TMEM181: variants seen among roughly 807,000 people sequenced by gnomAD.
TMEM181 encodes the protein G protein-coupled receptor 178.
Under a neutral mutation model 71.9 loss-of-function variants are expected in TMEM181, and 39 were observed. The ratio of observed to expected loss-of-function variants is 0.54; its 90% CI spans 0.42 to 0.71. The LOEUF (loss-of-function observed/expected upper bound fraction) is 0.71. Ranked by LOEUF, TMEM181 falls within the 30% of genes least tolerant of loss-of-function variation. TMEM181 has a pLI of 0.00. For synonymous variants in TMEM181, 245 were observed against 228.8 expected, an observed-to-expected ratio of 1.07 and a Z score of -0.64; for missense variants, 595 against 583.0, an observed-to-expected ratio of 1.02 and a Z score of -0.21.
chr6:158,583,205 C>T (rs1156311834), intron 3 of TMEM181, among the ~76,000 whole-genome samples: 1 of 152,148 alleles, frequency 6.6e-6, no homozygotes, highest in Admixed American at 6.5e-5. Flanking sequence ...TGCTCTCCAG[C>T]CTGGGTGACA....
chr6:158,634,875 C>CT lies in TMEM181; in HGVS notation c.*2990dup, dbSNP rs1786860520. 6.6e-6 allele frequency: 1 copy of CT among 152,028 alleles called. No individual in the cohort carries two copies. The highest frequency in any genetic ancestry group is 2.4e-5 in the African/African-American group (1 of 41,390). 9.4% of individuals were successfully genotyped at this position (152,028 alleles called of 1,614,324 possible). A position where few individuals can be genotyped will look rare whatever the true frequency, so the allele number is the denominator to read the frequency against. ...AATGTGGTAAATTATTTCCTGAATC[C>CT]TTTATCACAGGAAAAACACAGACCC... On this transcript the variant is annotated 3_prime_UTR_variant, in exon 17 of 17. Coordinates refer to ENST00000684151, the MANE Select transcript of TMEM181 (RefSeq NM_001376852.1).
At chr6:158,617,170 T>C (rs1785660926) in intron 10 of TMEM181, among the ~76,000 whole-genome samples, 1 of 152,226 alleles carries the variant, frequency 6.6e-6, no homozygotes, top group Non-Finnish European at 1.5e-5. Context: ...AGCCTGTTAT[T>C]GGTCTATTAA....
intron 10 of TMEM181, chr6:158,610,224 C>A: frequency 8.3e-6 from 2 of 239,756 alleles, no homozygotes; most frequent in South Asian, 1.4e-4. Flanking sequence ...ATGCCACAGT[C>A]GTGGGGTGCC....
chr6:158,572,305 T>C (rs1306858790), intron 1 of TMEM181: 2 of 347,360 alleles, frequency 5.8e-6, no homozygotes, highest in Non-Finnish European at 1.1e-5. Context: ...AGGGCCAGGC[T>C]GAGCATACTA....
chr6:158,597,343 T>G (rs1030617433), intron 6 of TMEM181, among the ~76,000 whole-genome samples: 2 of 152,296 alleles, frequency 1.3e-5, no homozygotes, highest in South Asian at 4.1e-4. Context: ...CCTTACAGTT[T>G]TGGAGGGCAG....
chr6:158,597,411 C>A (rs1209130887), intron 6 of TMEM181, among the ~76,000 whole-genome samples: 1 of 152,156 alleles, frequency 6.6e-6, no homozygotes, highest in Non-Finnish European at 1.5e-5. Context: ...TGTTCTCTGC[C>A]TTCCAGGATG....
At chr6:158,547,163 T>A (rs930980052) in intron 1 of TMEM181, among the ~76,000 whole-genome samples, 17 of 152,130 alleles carry the variant, frequency 1.1e-4, no homozygotes, top group African/African-American at 3.9e-4. Flanking sequence ...GTGCCTGTAG[T>A]CCCAGCTACT....
intron 10 of TMEM181, chr6:158,610,836 A>G (rs1003323881): frequency 1.4e-4 from 46 of 330,950 alleles, no homozygotes; most frequent in African/African-American, 8.5e-4. Context: ...ACTAGCTGAC[A>G]TACTCACACC....
chr6:158,632,941 T>C lies in TMEM181; in HGVS notation c.*1053T>C, dbSNP rs1022069847. On this transcript the variant is annotated 3_prime_UTR_variant, in exon 17 of 17. Transcript: ENST00000684151. ...AAAGTTGGCTGGGCATGCTGGGGCATGCCCATAGTCCCAGCTACTCAGGAG... is the reference window on the plus strand; with the variant it reads ...AAAGTTGGCTGGGCATGCTGGGGCACGCCCATAGTCCCAGCTACTCAGGAG... The C allele has an allele frequency of 2.6e-5, 4 of 152,156 alleles. No individual in the cohort carries two copies. The highest frequency in any genetic ancestry group is 5.9e-5 in the Non-Finnish European group (4 of 68,080). 9.4% of individuals were successfully genotyped at this position (152,156 alleles called of 1,614,324 possible). A position where few individuals can be genotyped will look rare whatever the true frequency, so the allele number is the denominator to read the frequency against.
intron 2 of TMEM181, among the ~76,000 whole-genome samples, chr6:158,576,943 C>T (rs1483020576): frequency 6.6e-6 from 1 of 151,584 alleles, no homozygotes; most frequent in Admixed American, 6.6e-5. Flanking sequence ...GCACCTGTAG[C>T]CCCAGCTACT....
upstream of TMEM181, among the ~76,000 whole-genome samples, chr6:158,555,092 A>G (rs937944353): frequency 2.6e-5 from 4 of 152,236 alleles, no homozygotes; most frequent in Admixed American, 2.6e-4. Context: ...GCCTTGAACT[A>G]GTAACAAATG....
chr6:158,561,670 A>G (rs1422250900), intron 1 of TMEM181, among the ~76,000 whole-genome samples: 1 of 152,234 alleles, frequency 6.6e-6, no homozygotes, highest in Non-Finnish European at 1.5e-5. Flanking sequence ...ACTAGACCAA[A>G]GAAAGCAGTT....
At chr6:158,573,326 G>A (rs1490632754) in intron 1 of TMEM181, 94 bp from the exon 2 acceptor site, 1 of 846,022 alleles carries the variant, frequency 1.2e-6, no homozygotes, top group Admixed American at 2.2e-5. Flanking sequence ...GAGGTGGGCA[G>A]TGTCGTGTGG....
chr6:158,598,625 GT>G (rs5881281), intron 6 of TMEM181, among the ~76,000 whole-genome samples: 53,048 of 145,080 alleles, frequency 0.37, 10,435 homozygotes, highest in East Asian at 0.75. Context: ...TGCGTTTCAT[GT>G]TTTTTTTTTT....
At chr6:158,565,712 G>A (rs1013753310) in intron 1 of TMEM181, among the ~76,000 whole-genome samples, 1 of 152,246 alleles carries the variant, frequency 6.6e-6, no homozygotes, top group East Asian at 1.9e-4. Flanking sequence ...GCTGGCCTCT[G>A]GGGGTGGGAG....
intron 6 of TMEM181, among the ~76,000 whole-genome samples, chr6:158,593,403 G>A (rs1387444333): frequency 2.6e-5 from 4 of 152,110 alleles, no homozygotes; most frequent in African/African-American, 7.2e-5. Context: ...TTTATTTCCC[G>A]TAATGAATGT....
upstream of TMEM181, chr6:158,559,992 C>G (rs1419703506): frequency 1.1e-6 from 1 of 950,446 alleles, no homozygotes; most frequent in Non-Finnish European, 1.3e-6. Flanking sequence ...GAGGGCCACC[C>G]CCCTCGCCGC....
chr6:158,583,802 TAAA>T (rs1304326583), intron 3 of TMEM181, 149 bp from the exon 4 acceptor site: 2 of 551,840 alleles, frequency 3.6e-6, no homozygotes, highest in African/African-American at 1.9e-5. Flanking sequence ...TCCATCAAAA[TAAA>T]AAAAAGAAGG....
At position 158,579,999 on chromosome 6, in the gene TMEM181, A is replaced by G. The variant is rs191016861; in HGVS notation, c.113-941A>G. ...TGGATGGCAGTGATGGTTGCACAGT[A>G]TGAACGTATTTACTACCACTGAACT... is the stretch of plus-strand genomic sequence containing the variant. On this transcript the variant is annotated intron_variant, in intron 2 of 16. Coordinates refer to ENST00000684151, the MANE Select transcript of TMEM181 (RefSeq NM_001376852.1). Among the ~76,000 whole-genome samples the G allele has an allele frequency of 9.2e-5, 14 of 152,198 alleles. No homozygotes were observed. The East Asian group carries it at 2.5e-3, about 27-fold the overall frequency.
Sources: gnomAD v4.1 joint callset for allele counts (sites outside exome capture counted in the v4.1 genomes callset) on GRCh38, gnomAD v4.1.1 for gene constraint, MANE v1.5 for transcripts, NCBI Gene and HGNC (gene_info 2026-07-23, HGNC 2026-07-21) for gene names.